ZNF704: variants seen among roughly 807,000 people sequenced by gnomAD.
ZNF704 encodes the protein zinc finger protein 704.
ZNF704 carries 10 observed loss-of-function variants against 44.7 expected under a neutral mutation model. The ratio of observed to expected loss-of-function variants is 0.22; its 90% confidence interval spans 0.14 to 0.38. The LOEUF (loss-of-function observed/expected upper bound fraction) is 0.38. Among genes scored for constraint, ZNF704 ranks in the 10% least tolerant of loss-of-function variants. The pLI is 1.00. For synonymous variants in ZNF704, 211 were observed against 207.6 expected, an observed-to-expected ratio of 1.02 and a Z score of -0.14; for missense variants, 390 against 545.5, an observed-to-expected ratio of 0.71 and a Z score of 2.84.
At chr8:80,724,921 G>C (rs1289597709) in intron 2 of ZNF704, among the ~76,000 whole-genome samples, 1 of 152,160 alleles carries the variant, frequency 6.6e-6, no homozygotes, top group Non-Finnish European at 1.5e-5. Flanking sequence ...TTCCAGGTCT[G>C]AACAATTTCC....
chr8:80,705,905 T>C (rs1818888360), intron 2 of ZNF704, among the ~76,000 whole-genome samples: 3 of 152,172 alleles, frequency 2.0e-5, no homozygotes, highest in Admixed American at 1.3e-4. Context: ...CTGGCTGGGC[T>C]GCATTTAGCT....
At chr8:80,751,915 A>AT (rs1012340031) in intron 2 of ZNF704, among the ~76,000 whole-genome samples, 66 of 151,834 alleles carry the variant, frequency 4.3e-4, no homozygotes, top group African/African-American at 8.7e-4. Context: ...TAATTTGTGT[A>AT]TTTTTTTTAG....
chr8:80,851,180 A>G (rs1333823962), intron 1 of ZNF704, among the ~76,000 whole-genome samples: 2 of 152,196 alleles, frequency 1.3e-5, no homozygotes, highest in African/African-American at 4.8e-5. Context: ...TCAGGGAACT[A>G]GAACTAGAAA....
intron 2 of ZNF704, among the ~76,000 whole-genome samples, chr8:80,723,722 T>G (rs1355321696): frequency 6.6e-6 from 1 of 152,202 alleles, no homozygotes; most frequent in Non-Finnish European, 1.5e-5. Flanking sequence ...ATCTAAGATG[T>G]CAACTTTAAA....
chr8:80,648,026 T>A (rs1195703167), intron 7 of ZNF704, among the ~76,000 whole-genome samples: 1 of 152,118 alleles, frequency 6.6e-6, no homozygotes, highest in Non-Finnish European at 1.5e-5. Context: ...CGCTGTGTCA[T>A]CCCAGGGCAA....
intron 1 of ZNF704, among the ~76,000 whole-genome samples, chr8:80,822,794 C>T (rs1158895113): frequency 6.6e-6 from 1 of 152,166 alleles, no homozygotes; most frequent in African/African-American, 2.4e-5. Context: ...TCTCTGATGA[C>T]CAGTGATGAT....
intron 3 of ZNF704, among the ~76,000 whole-genome samples, chr8:80,690,592 C>G (rs1413116910): frequency 6.6e-6 from 1 of 152,194 alleles, no homozygotes; most frequent in Non-Finnish European, 1.5e-5. Flanking sequence ...TTCTTTAGCA[C>G]TGCCAAAGTG....
chr8:80,726,417 T>G lies in ZNF704; in HGVS notation c.222-33310A>C, dbSNP rs530650746. Among the ~76,000 whole-genome samples, 4 of 152,282 alleles carry G rather than the reference T, an allele frequency of 2.6e-5. No individual in the cohort carries two copies. The South Asian group carries it at 6.2e-4, about 24-fold the overall frequency. On this transcript the variant is annotated intron_variant, in intron 2 of 8. Transcript: ENST00000327835. ...GACACTTTTCAGCTACAGGGGAGAT[T>G]TGAAGATGAACTGGACATTGGATAT...
chr8:80,816,858 C>T (rs978632370), intron 2 of ZNF704, among the ~76,000 whole-genome samples: 1 of 152,158 alleles, frequency 6.6e-6, no homozygotes, highest in Non-Finnish European at 1.5e-5. Flanking sequence ...AATGCACTTA[C>T]TCCAAATCAC....
rs557049298 is a variant in ZNF704 at position 80,635,022 on chromosome 8, T to C, written c.*6344A>G. The C allele has an allele frequency of 1.3e-5, 2 of 152,322 alleles. No individual in the cohort carries two copies. The highest frequency in any genetic ancestry group is 2.4e-5 in the African/African-American group (1 of 41,578). 9.4% of individuals were successfully genotyped at this position (152,322 alleles called of 1,614,324 possible). On this transcript the variant is annotated 3_prime_UTR_variant, in exon 9 of 9. Transcript: ENST00000327835. ...CAAGTGTGCAGATTCTAAAGCCTAT[T>C]TGAAACCAAGGTCTGAGTGACCTTC...
intron 2 of ZNF704, among the ~76,000 whole-genome samples, chr8:80,746,169 T>C (rs768658784): frequency 5.3e-5 from 8 of 152,172 alleles, no homozygotes; most frequent in African/African-American, 1.7e-4. Flanking sequence ...GTTGGAAAGA[T>C]TAAATAAAAT....
chr8:80,826,270 C>G (rs566395916), intron 1 of ZNF704, among the ~76,000 whole-genome samples: 2 of 152,134 alleles, frequency 1.3e-5, no homozygotes, highest in Non-Finnish European at 2.9e-5. Context: ...CACAGAAATA[C>G]AAACTACCAT....
intron 2 of ZNF704, among the ~76,000 whole-genome samples, chr8:80,765,317 G>A (rs964842133): frequency 6.6e-6 from 1 of 152,014 alleles, no homozygotes; most frequent in Admixed American, 6.6e-5. Context: ...CTCCCCACCT[G>A]GTCCACTCCG....
rs1175636239 is a variant in ZNF704, at chr8:80,665,063, A to C, written c.679T>G (p.Tyr227Asp). 2 of 1,614,212 alleles carry C rather than the reference A, an allele frequency of 1.2e-6. No individual in the cohort carries two copies. The highest frequency in any genetic ancestry group is 4.5e-5 in the East Asian group (2 of 44,884). ...IHLGRVGDSDYSDGEEDFYYT... is the reference protein window; with the variant it reads ...IHLGRVGDSDDSDGEEDFYYT... ...TAAAAGTCCTCTTCTCCATCACTGT[A>C]GTCAGAGTCTCCAACGCGCCTAATG... Residue 227 changes from tyrosine to aspartate, a missense_variant, in exon 6 of 9, where the codon TAC (tyrosine) becomes GAC (aspartate). This residue lies in a region of ZNF704 where 305 missense variants were observed against 435.7 expected (regional missense o/e 0.70). Transcript: ENST00000327835.
At chr8:80,682,331 T>C (rs1818466594) in intron 4 of ZNF704, among the ~76,000 whole-genome samples, 1 of 152,242 alleles carries the variant, frequency 6.6e-6, no homozygotes, top group African/African-American at 2.4e-5. Context: ...GTTAACTCAG[T>C]GCTTTCTTCT....
intron 1 of ZNF704, among the ~76,000 whole-genome samples, chr8:80,844,924 C>T (rs1031189563): frequency 1.3e-5 from 2 of 151,790 alleles, no homozygotes; most frequent in African/African-American, 4.8e-5. Context: ...AAGCAATCCT[C>T]CCACCTCGGC....
chr8:80,737,481 T>C (rs1169942180), intron 2 of ZNF704, among the ~76,000 whole-genome samples: 1 of 152,206 alleles, frequency 6.6e-6, no homozygotes, highest in African/African-American at 2.4e-5. Flanking sequence ...ACATGGCAGC[T>C]GGCTTCCTCC....
intron 4 of ZNF704, among the ~76,000 whole-genome samples, chr8:80,678,805 T>C (rs929559292): frequency 1.3e-5 from 2 of 152,226 alleles, no homozygotes; most frequent in Non-Finnish European, 2.9e-5. Flanking sequence ...ATGCCTTTTC[T>C]GCACCATGCT....
chr8:80,809,012 C>T (rs938576479), intron 2 of ZNF704, among the ~76,000 whole-genome samples: 3 of 152,202 alleles, frequency 2.0e-5, no homozygotes, highest in Non-Finnish European at 4.4e-5. Context: ...TTGCATCCAG[C>T]TGGGTGCGGT....
Sources: gnomAD v4.1 joint callset for allele counts (sites outside exome capture counted in the v4.1 genomes callset) on GRCh38, gnomAD v4.1.1 for gene constraint, gnomAD v4.1.1 regional missense constraint, MANE v1.5 for transcripts, NCBI Gene and HGNC (gene_info 2026-07-23, HGNC 2026-07-21) for gene names.